SGSM1: variants seen among roughly 807,000 people sequenced by gnomAD.
SGSM1 encodes the protein small G protein signaling modulator 1, also known as RUN and TBC1 domain containing 2.
In SGSM1, 73 loss-of-function variants were observed where a neutral mutation model predicts 133.8. That is an observed-to-expected ratio of 0.55 (90% CI 0.45 to 0.66). SGSM1 has a LOEUF of 0.66. Among genes scored for constraint, SGSM1 ranks in the 30% least tolerant of loss-of-function variants. The probability of loss-of-function intolerance (pLI) is 0.00; values close to 1 mark genes in which losing one functional copy is unlikely to be tolerated. For missense variants in SGSM1, 1,213 were observed against 1,448.1 expected (o/e 0.84, Z 2.64); for synonymous variants, 563 against 573.0 (o/e 0.98, Z 0.25).
chr22:24,895,172 G>T, intron 17 of SGSM1, 51 bp from the exon 18 acceptor site: 1 of 1,555,708 alleles, frequency 6.4e-7, no homozygotes, highest in African/African-American at 1.4e-5. Flanking sequence ...TTCCTGCTCT[G>T]GGCCAGGGTG....
Position 24,892,515 on chromosome 22 carries a change from G to A in SGSM1, c.1771-916G>A, listed in dbSNP as rs140758636. Among the ~76,000 whole-genome samples, 510 of 152,204 alleles carry A rather than the reference G, an allele frequency of 3.4e-3. 10 individuals are homozygous for A. Among genetic ancestry groups the A allele is most frequent in the East Asian group, 1.5e-3 (8 of 5,170 alleles). ...TTGCTGTAAGGAAAGGAAGCGGGTTGGTTTTATTTGTATTGTATCCTCAGC... is the reference window on the plus strand; with the variant it reads ...TTGCTGTAAGGAAAGGAAGCGGGTTAGTTTTATTTGTATTGTATCCTCAGC... On this transcript the variant is annotated intron_variant, in intron 16 of 24. Coordinates refer to ENST00000400358, the MANE Select transcript of SGSM1 (RefSeq NM_001098497.3).
chr22:24,865,205 A>G (rs1228927928), intron 9 of SGSM1, among the ~76,000 whole-genome samples: 3 of 152,214 alleles, frequency 2.0e-5, no homozygotes, highest in African/African-American at 7.2e-5. Flanking sequence ...TTGTCTGAGC[A>G]TCACAGAGAA....
Position 24,876,514 on chromosome 22 carries a change from T to C in SGSM1, c.1292-63T>C. 1.9e-6 allele frequency: 3 copies of C among 1,601,040 alleles called. No individual in the cohort carries two copies. The East Asian group carries it at 6.7e-5, about 36-fold the overall frequency. On this transcript the variant is annotated intron_variant, in intron 12 of 24. Transcript: ENST00000400358. Reference sequence around the variant, plus strand: ...GTGAGCTGCTTGCTCTAGGGTGAGATTTCTGTGACCCACATAGGTTTAACC... The same window carrying C: ...GTGAGCTGCTTGCTCTAGGGTGAGACTTCTGTGACCCACATAGGTTTAACC...
Position 24,847,697 on chromosome 22 carries a change from A to G in SGSM1, c.203A>G (p.Asn68Ser), listed in dbSNP as rs779612530. 7 of 1,613,822 alleles carry G rather than the reference A, an allele frequency of 4.3e-6. No homozygotes were observed. The East Asian group carries it at 6.7e-5, about 15-fold the overall frequency. ...CGGGCGGCTGGCTTCCTACGCAGCA[A>G]TAAGATTGCAGCCCTCTTTATGAAA... ...RRRAAGFLRS[N>S]KIAALFMKVG... is the part of the protein sequence containing the mutation. Residue 68 changes from asparagine (N) to serine (S), a missense_variant, in exon 4 of 25, where the codon AAT (asparagine) becomes AGT (serine). By Grantham distance (46) the Asn-to-Ser change is conservative. Transcript: ENST00000400358.
Position 24,886,667 on chromosome 22 carries a change from C to T in SGSM1, c.1709C>T (p.Ala570Val). The change falls in exon 16 of 25, where the codon GCC becomes GTC. Residue 570 changes from alanine (A) to valine (V), a missense_variant. Physicochemically the swap from Ala to Val is moderately conservative, Grantham distance 64 (BLOSUM62 0). Coordinates refer to ENST00000400358, the MANE Select transcript of SGSM1 (RefSeq NM_001098497.3). The part of the protein sequence containing the change: ...YGGIQPEIRK[A>V]VWPFLLGHYQ... The stretch of plus-strand genomic sequence containing the variant: ...GGCATCCAGCCTGAGATCCGCAAGG[C>T]CGTGTGGCCCTTCCTCCTGGGCCAC... 2.6e-6 allele frequency: 4 copies of T among 1,567,696 alleles called. No individual in the cohort carries two copies. The highest frequency in any genetic ancestry group is 1.2e-5 in the South Asian group (1 of 84,846).
In SGSM1 at chr22:24,838,980, G is replaced by A. The variant is rs774545568; in HGVS notation, c.64-5917G>A. Among the ~76,000 whole-genome samples the A allele has an allele frequency of 4.6e-4, 69 of 149,490 alleles. 1 individual carries two copies. Among genetic ancestry groups the A allele is most frequent in the Middle Eastern group, 3.5e-3 (1 of 282 alleles). ...TGATAGAAATTTCATTAAATCTGTC[G>A]ATTACTTTGGTAATATCAACATTTT... On this transcript the variant is annotated intron_variant, in intron 2 of 24. Coordinates refer to ENST00000400358, the MANE Select transcript of SGSM1 (RefSeq NM_001098497.3).
chr22:24,860,933 A>G (rs1931113617), intron 9 of SGSM1, among the ~76,000 whole-genome samples: 2 of 135,030 alleles, frequency 1.5e-5, no homozygotes, highest in South Asian at 4.9e-4. Context: ...ATATATATAT[A>G]TATATATATA....
rs775984951 is a variant in SGSM1, at chr22:24,855,665, C to T, written c.786C>T (p.Asn262=). 1.2e-5 allele frequency: 20 copies of T among 1,613,856 alleles called. No individual in the cohort carries two copies. Among genetic ancestry groups the T allele is most frequent in the Admixed American group, 6.7e-5 (4 of 59,998 alleles). The change falls in exon 8 of 25, where the codon AAC becomes AAT. Residue 262 remains asparagine, a synonymous_variant. Transcript: ENST00000400358. ...CCACCCTTCTCTATGGCAAAAACAA[C>T]GTTCTTGTTCAGCCGGTGAGAGGTT... ...SRATLLYGKN[N]VLVQPRDDME... is the part of the protein sequence containing the mutation.
intron 2 of SGSM1, among the ~76,000 whole-genome samples, chr22:24,817,398 G>A (rs570804766): frequency 2.7e-4 from 41 of 151,824 alleles, no homozygotes; most frequent in African/African-American, 7.5e-4. Context: ...CTGTCGCCAG[G>A]CTGGAGTGCA....
intron 21 of SGSM1, among the ~76,000 whole-genome samples, chr22:24,906,783 T>TA (rs796798298): frequency 6.8e-6 from 1 of 147,998 alleles, no homozygotes; most frequent in Non-Finnish European, 1.5e-5. Context: ...AAATAAAACA[T>TA]AAAAAAAAGT....
At position 24,806,355 on chromosome 22, in the gene SGSM1, G is replaced by C. The variant is rs569745314; in HGVS notation, c.19+11G>C. ...CCTCGGCCCCCGCGGGTAAGAGGCC[G>C]CTGGACACGAGGGCGGCGGGAGGGC... On this transcript the variant is annotated intron_variant, in intron 1 of 24. Coordinates refer to ENST00000400358, the MANE Select transcript of SGSM1 (RefSeq NM_001098497.3). 1.7e-5 allele frequency: 26 copies of C among 1,490,944 alleles called. No individual in the cohort carries two copies. The African/African-American group carries it at 3.4e-4, about 19-fold the overall frequency. 92.4% of individuals were successfully genotyped at this position (1,490,944 alleles called of 1,614,324 possible).
rs1237356927 is a variant in SGSM1 at position 24,924,301 on chromosome 22, C to G, written c.*27C>G. On this transcript the variant is annotated 3_prime_UTR_variant, in exon 25 of 25. Coordinates refer to ENST00000400358, the MANE Select transcript of SGSM1 (RefSeq NM_001098497.3). Reference sequence around the variant, plus strand: ...GGGCACCTCACCCCGGCAGCCTCAGCCAAGCTGCCCCTGCCCCGCTCCTCT... The same window carrying G: ...GGGCACCTCACCCCGGCAGCCTCAGGCAAGCTGCCCCTGCCCCGCTCCTCT... The G allele has an allele frequency of 6.3e-7, 1 of 1,590,386 alleles. No individual in the cohort carries two copies. Among genetic ancestry groups the G allele is most frequent in the Non-Finnish European group, 8.6e-7 (1 of 1,159,096 alleles).
intron 5 of SGSM1, among the ~76,000 whole-genome samples, chr22:24,851,951 T>G (rs1930507002): frequency 1.3e-5 from 2 of 152,240 alleles, no homozygotes; most frequent in African/African-American, 4.8e-5. Context: ...TCCTGCCCCA[T>G]GAAGGTTTCT....
intron 21 of SGSM1, among the ~76,000 whole-genome samples, chr22:24,910,510 G>A (rs901239354): frequency 2.6e-5 from 4 of 152,142 alleles, no homozygotes; most frequent in Non-Finnish European, 4.4e-5. Context: ...AGCTGGGCAT[G>A]GTGGTGCACA....
chr22:24,849,968 G>A (rs1930361996), intron 4 of SGSM1, among the ~76,000 whole-genome samples: 1 of 152,158 alleles, frequency 6.6e-6, no homozygotes, highest in Non-Finnish European at 1.5e-5. Context: ...GGGCACTGGG[G>A]ACCCAATGAA....
intron 15 of SGSM1, among the ~76,000 whole-genome samples, chr22:24,885,411 C>G (rs552054192): frequency 6.3e-5 from 9 of 142,424 alleles, no homozygotes; most frequent in Non-Finnish European, 1.2e-4. Flanking sequence ...TTTTTTTTTT[C>G]GATTAGCGAC....
rs190799498 is a variant in SGSM1, at chr22:24,831,707, T to C, written c.64-13190T>C. Among the ~76,000 whole-genome samples the C allele has an allele frequency of 5.3e-5, 8 of 152,346 alleles. No individual in the cohort carries two copies. In the East Asian group the frequency reaches 1.4e-3, roughly 26 times the overall value. On this transcript the variant is annotated intron_variant, in intron 2 of 24. Transcript: ENST00000400358. Reference sequence around the variant, plus strand: ...AACAAAAAGCCCTCTTGATATCCTTTGAACACACAGGCCCCCAGCGGAGAC... The same window carrying C: ...AACAAAAAGCCCTCTTGATATCCTTCGAACACACAGGCCCCCAGCGGAGAC...
chr22:24,812,222 G>A (rs1447282688), intron 2 of SGSM1, among the ~76,000 whole-genome samples: 1 of 151,590 alleles, frequency 6.6e-6, no homozygotes, highest in Non-Finnish European at 1.5e-5. Flanking sequence ...AATTTCCTAC[G>A]TGTTTGCTGG....
intron 21 of SGSM1, among the ~76,000 whole-genome samples, chr22:24,911,750 G>A (rs1295081480): frequency 3.3e-5 from 5 of 152,122 alleles, no homozygotes; most frequent in Admixed American, 2.0e-4. Context: ...TACCTGACCA[G>A]TACGCCTCAA....
Sources: gnomAD v4.1 joint callset for allele counts (sites outside exome capture counted in the v4.1 genomes callset) on GRCh38, gnomAD v4.1.1 for gene constraint, MANE v1.5 for transcripts, NCBI Gene and HGNC (gene_info 2026-07-23, HGNC 2026-07-21) for gene names.